Variants in SLC46A3 observed in about 807,000 individuals in gnomAD.
SLC46A3 encodes lysosomal proton-coupled steroid conjugate and bile acid symporter SLC46A3.
Under a neutral mutation model 38.5 loss-of-function variants are expected in SLC46A3, and 26 were observed. That is an observed-to-expected ratio of 0.68 (90% confidence interval 0.49 to 0.94). The LOEUF (loss-of-function observed/expected upper bound fraction) is 0.94. Among genes scored for constraint, SLC46A3 ranks in the 40% least tolerant of loss-of-function variants. The pLI, the probability that SLC46A3 is intolerant of heterozygous loss-of-function variation, is 0.00. For missense variants in SLC46A3, 510 were observed against 544.3 expected, an observed-to-expected ratio of 0.94 and a Z score of 0.63; for synonymous variants, 185 against 192.5, an observed-to-expected ratio of 0.96 and a Z score of 0.32.
rs190408880 is a variant in SLC46A3 at position 28,701,436 on chromosome 13, T to C, written c.*61A>G. On this transcript the variant is annotated 3_prime_UTR_variant, in exon 6 of 6. Coordinates refer to ENST00000266943, the MANE Select transcript of SLC46A3 (RefSeq NM_181785.4). The stretch of plus-strand genomic sequence containing the variant: ...TGATTGTGGAATTCATTTATAGTCT[T>C]CAGAAGTCATGGTATATGATATGTG... 4.4e-6 allele frequency: 7 copies of C among 1,586,948 alleles called. No individual in the cohort carries two copies. In the African/African-American group the frequency reaches 6.8e-5, roughly 15 times the overall value.
intron 4 of SLC46A3, among the ~76,000 whole-genome samples, chr13:28,708,516 C>T: frequency 6.6e-6 from 1 of 151,832 alleles, no homozygotes; most frequent in East Asian, 1.9e-4. Flanking sequence ...CTTAAATATG[C>T]TGGATACGAG....
In SLC46A3 at chr13:28,713,068, C is replaced by T; in HGVS notation, c.672G>A (p.Glu224=). 1.9e-6 allele frequency: 3 copies of T among 1,611,178 alleles called. No individual in the cohort carries two copies. Among genetic ancestry groups the T allele is most frequent in the Non-Finnish European group, 2.5e-6 (3 of 1,179,442 alleles). The part of the protein sequence containing the change: ...ILFFLGDPVK[E]CSSQNVTMSC... ...ACATAGTAACATTCTGAGATGAACA[C>T]TCTTTCACTGGATCTCCGAGAAAAA... is the stretch of plus-strand genomic sequence containing the variant. Residue 224 remains glutamate (E), a synonymous_variant, in exon 3 of 6, where the codon GAG becomes GAA. Transcript: ENST00000266943.
chr13:28,701,986 A>G (rs1346122027), intron 5 of SLC46A3, among the ~76,000 whole-genome samples: 2 of 152,314 alleles, frequency 1.3e-5, no homozygotes, highest in East Asian at 3.9e-4. Flanking sequence ...AAAGCTCAGA[A>G]GCCCATCTAC....
intron 4 of SLC46A3, among the ~76,000 whole-genome samples, chr13:28,705,252 A>T (rs1885142226): frequency 6.6e-6 from 1 of 152,122 alleles, no homozygotes; most frequent in South Asian, 2.1e-4. Flanking sequence ...ACTGCAATGC[A>T]TTTTTCTTAC....
chr13:28,707,868 T>A (rs888143669), intron 4 of SLC46A3, among the ~76,000 whole-genome samples: 21 of 152,172 alleles, frequency 1.4e-4, no homozygotes, highest in African/African-American at 5.1e-4. Context: ...CTAATCAAAT[T>A]TCTGTCTCTA....
At chr13:28,705,169 T>C (rs776948909) in intron 4 of SLC46A3, among the ~76,000 whole-genome samples, 1 of 152,268 alleles carries the variant, frequency 6.6e-6, no homozygotes, top group Non-Finnish European at 1.5e-5. Context: ...ATGTAGCTTC[T>C]GCTTTCTGCA....
At chr13:28,709,495 A>G (rs2137830325) in intron 4 of SLC46A3, among the ~76,000 whole-genome samples, 1 of 152,386 alleles carries the variant, frequency 6.6e-6, no homozygotes, top group African/African-American at 2.4e-5. Context: ...GACATTAAAG[A>G]AAGTGCCAAT....
intron 2 of SLC46A3, among the ~76,000 whole-genome samples, chr13:28,714,624 CTG>C (rs1885475950): frequency 6.6e-6 from 1 of 152,254 alleles, no homozygotes; most frequent in African/African-American, 2.4e-5. Context: ...TGGCGTACGC[CTG>C]TAGTCTCCGC....
chr13:28,701,240 G>C lies in SLC46A3; in HGVS notation c.*257C>G. 1 of 1,392,166 alleles carries C rather than the reference G, an allele frequency of 7.2e-7. No homozygotes were observed. Among genetic ancestry groups the C allele is most frequent in the Non-Finnish European group, 9.3e-7 (1 of 1,076,378 alleles). The allele number at this position is 1,392,166 out of a possible 1,614,324, so 86.2% of individuals were successfully genotyped here. On this transcript the variant is annotated 3_prime_UTR_variant, in exon 6 of 6. Coordinates refer to ENST00000266943, the MANE Select transcript of SLC46A3 (RefSeq NM_181785.4). Reference sequence around the variant, plus strand: ...TTAAGTTTTAATGTTTCTCTTCTAAGTCTAAAAGTGAGGCGTATTTGAAAT... The same window carrying C: ...TTAAGTTTTAATGTTTCTCTTCTAACTCTAAAAGTGAGGCGTATTTGAAAT...
Position 28,710,691 on chromosome 13 carries a change from CATTG to C in SLC46A3, c.1144+65_1144+68del, listed in dbSNP as rs1055294904. On this transcript the variant is annotated intron_variant, in intron 4 of 5. Transcript: ENST00000266943. ...CTGTAGAATATTCTGAAGCATTAAA[CATTG>C]ATTGTACACAGATTTGAGTTTGTAA... is the stretch of plus-strand genomic sequence containing the variant. The C allele has an allele frequency of 1.3e-5, 15 of 1,174,874 alleles. No homozygotes were observed. The African/African-American group carries it at 2.3e-4, about 18-fold the overall frequency. The allele number at this position is 1,174,874 out of a possible 1,614,324, so 72.8% of individuals were successfully genotyped here.
Position 28,710,797 on chromosome 13 carries a change from C to T in SLC46A3, c.1107G>A (p.Arg369=), listed in dbSNP as rs1287565242. The change falls in exon 4 of 6, where the codon CGG becomes CGA. Residue 369 remains arginine (R), a synonymous_variant. Transcript: ENST00000266943. The part of the protein sequence containing the change: ...LFTIVPFSVL[R]SMLSKVVRST... ...AACGAACCACTTTTGACAACATGGA[C>T]CGTAGAACAGAGAATGGCACAATAG... is the stretch of plus-strand genomic sequence containing the variant. The T allele has an allele frequency of 3.1e-6, 5 of 1,613,934 alleles. No individual in the cohort carries two copies. The highest frequency in any genetic ancestry group is 4.5e-5 in the East Asian group (2 of 44,886).
At chr13:28,715,306 G>A (rs1950906221) in intron 2 of SLC46A3, among the ~76,000 whole-genome samples, 1 of 152,236 alleles carries the variant, frequency 6.6e-6, no homozygotes, top group Non-Finnish European at 1.5e-5. Context: ...TTTGACATGA[G>A]ACCACTGCTG....
At chr13:28,704,778 C>T (rs1337735301) in intron 4 of SLC46A3, among the ~76,000 whole-genome samples, 1 of 152,178 alleles carries the variant, frequency 6.6e-6, no homozygotes, top group East Asian at 1.9e-4. Flanking sequence ...TTAAGTGATT[C>T]TTTAAAACAT....
Position 28,701,395 on chromosome 13 carries a change from G to A in SLC46A3, c.*102C>T. The stretch of plus-strand genomic sequence containing the variant: ...TTAGAAGAAAAGATAGGTAAAATTG[G>A]TTCTCAGTGAAGCACTGATTGTGGA... On this transcript the variant is annotated 3_prime_UTR_variant, in exon 6 of 6. Coordinates refer to ENST00000266943, the MANE Select transcript of SLC46A3 (RefSeq NM_181785.4). 1.3e-6 allele frequency: 2 copies of A among 1,507,748 alleles called. No homozygotes were observed. Among genetic ancestry groups the A allele is most frequent in the Non-Finnish European group, 1.8e-6 (2 of 1,131,586 alleles). 93.4% of individuals were successfully genotyped at this position (1,507,748 alleles called of 1,614,324 possible). A position where few individuals can be genotyped will look rare whatever the true frequency, so the allele number is the denominator to read the frequency against.
intron 4 of SLC46A3, 68 bp downstream of exon 4, chr13:28,710,692 A>G (rs1885316090): frequency 1.7e-6 from 2 of 1,191,528 alleles, no homozygotes; most frequent in South Asian, 1.3e-5. Context: ...AGCATTAAAC[A>G]TTGATTGTAC....
chr13:28,704,312 C>G, intron 4 of SLC46A3: 2 of 549,462 alleles, frequency 3.6e-6, no homozygotes, highest in Non-Finnish European at 6.4e-6. Context: ...TCTCCTTGGA[C>G]TTGATGTGAG....
In SLC46A3 at chr13:28,712,763, T is replaced by G. The variant is rs990050393; in HGVS notation, c.977A>C (p.His326Pro). The part of the protein sequence containing the change: ...WLFSYCMEDI[H>P]MAFIGIFTTM... ...GGTAAAAATCCCAATGAAGGCCATA[T>G]GAATATCTTCCATACAATAAGAAAA... is the stretch of plus-strand genomic sequence containing the variant. The change falls in exon 3 of 6, where the codon CAT (histidine) becomes CCT (proline). Residue 326 changes from histidine to proline, a missense_variant. Transcript: ENST00000266943. 39 of 1,612,650 alleles carry G rather than the reference T, an allele frequency of 2.4e-5. No homozygotes were observed. In the Admixed American group the frequency reaches 5.9e-4, roughly 24 times the overall value.
chr13:28,707,908 A>C lies in SLC46A3; in HGVS notation c.1144+2852T>G, dbSNP rs550660587. On this transcript the variant is annotated intron_variant, in intron 4 of 5. Coordinates refer to ENST00000266943, the MANE Select transcript of SLC46A3 (RefSeq NM_181785.4). ...TTTGCCTATTCTGCACATTTCACGT[A>C]AACAGAATCATATTTAAATGACAAT... Among the ~76,000 whole-genome samples, 12 of 152,340 alleles carry C rather than the reference A, an allele frequency of 7.9e-5. No individual in the cohort carries two copies. In the South Asian group the frequency reaches 2.5e-3, roughly 32 times the overall value.
chr13:28,700,957 C>G lies in SLC46A3; in HGVS notation c.*540G>C, dbSNP rs755151757. On this transcript the variant is annotated 3_prime_UTR_variant, in exon 6 of 6. Coordinates refer to ENST00000266943, the MANE Select transcript of SLC46A3 (RefSeq NM_181785.4). ...ACTATCAATAGCAGCTTAACAGGCT[C>G]TATAAAATAAAGCATTACCAAGTAT... is the stretch of plus-strand genomic sequence containing the variant. The G allele has an allele frequency of 2.6e-6, 4 of 1,526,012 alleles. No homozygotes were observed. In the South Asian group the frequency reaches 4.8e-5, roughly 18 times the overall value. The allele number at this position is 1,526,012 out of a possible 1,614,324, so 94.5% of individuals were successfully genotyped here. A position where few individuals can be genotyped will look rare whatever the true frequency, so the allele number is the denominator to read the frequency against.
Sources: allele counts gnomAD v4.1 joint callset (sites outside exome capture counted in the v4.1 genomes callset), GRCh38; gene constraint gnomAD v4.1.1; transcripts MANE v1.5; gene names NCBI Gene and HGNC (gene_info 2026-07-23, HGNC 2026-07-21).